The following ATP11C variants were observed in gnomAD, a reference collection of about 807,000 sequenced individuals.
ATP11C encodes ATPase phospholipid transporting 11C (ATP11C blood group), also known as phospholipid-transporting ATPase IG.
In ATP11C, 36 loss-of-function variants were observed where a neutral mutation model predicts 97.4. The observed-to-expected ratio is 0.37, with a 90% CI of 0.28 to 0.49. ATP11C has a LOEUF of 0.49. ATP11C is among the 20% of genes least tolerant of loss of function. ATP11C has a pLI of 0.98. For synonymous variants in ATP11C, 275 were observed against 290.9 expected (o/e 0.95, Z 0.56); for missense variants, 730 against 824.6 (o/e 0.89, Z 1.40).
intron 1 of ATP11C, among the ~76,000 whole-genome samples, chrX:139,902,434 G>A (rs963728400): frequency 1.7e-4 from 19 of 111,128 alleles, no homozygotes; most frequent in African/African-American, 5.6e-4. Context: ...CCTGCCAAGG[G>A]AGGACTACAC....
chrX:139,861,796 A>ACC (rs911916185), intron 1 of ATP11C, among the ~76,000 whole-genome samples: 4 of 110,239 alleles, frequency 3.6e-5, no homozygotes, highest in African/African-American at 1.3e-4. Flanking sequence ...ACACACACAC[A>ACC]CACACCCTCT....
intron 1 of ATP11C, among the ~76,000 whole-genome samples, chrX:139,873,482 C>T (rs936746148): frequency 2.7e-5 from 3 of 109,838 alleles, no homozygotes; most frequent in South Asian, 3.9e-4. Flanking sequence ...CTGAGGCAGG[C>T]GGATCATTTG....
intron 5 of ATP11C, among the ~76,000 whole-genome samples, chrX:139,807,361 C>T (rs933726872): frequency 9.0e-6 from 1 of 111,234 alleles, no homozygotes; most frequent in Non-Finnish European, 1.9e-5. Context: ...AGTTAAGTGA[C>T]ACATTAAAAA....
intron 1 of ATP11C, among the ~76,000 whole-genome samples, chrX:139,844,188 A>ATAG (rs1447543659): frequency 8.9e-6 from 1 of 112,338 alleles, no homozygotes; most frequent in Non-Finnish European, 1.9e-5. Context: ...AAAAGACAGA[A>ATAG]TAGTACATTG....
chrX:139,860,269 C>A (rs2084165662), intron 1 of ATP11C, among the ~76,000 whole-genome samples: 1 of 110,921 alleles, frequency 9.0e-6, no homozygotes. Flanking sequence ...AAAACTGCAC[C>A]ATTTATGCCA....
intron 27 of ATP11C, 52 bp downstream of exon 27, chrX:139,740,939 C>T: frequency 1.3e-6 from 1 of 743,570 alleles, no homozygotes; most frequent in Admixed American, 2.3e-5. Flanking sequence ...TGTACATACA[C>T]ATGTATCTAC....
chrX:139,800,716 A>G (rs1425885727), intron 7 of ATP11C, among the ~76,000 whole-genome samples: 1 of 111,917 alleles, frequency 8.9e-6, no homozygotes, highest in Non-Finnish European at 1.9e-5. Flanking sequence ...GTTGATCTCA[A>G]TACTGAGCTT....
intron 19 of ATP11C, among the ~76,000 whole-genome samples, chrX:139,770,411 G>A (rs1416794743): frequency 3.6e-5 from 4 of 112,219 alleles, no homozygotes; most frequent in Admixed American, 1.9e-4. Context: ...ATGTTGGGGT[G>A]CACTGCAAAA....
intron 1 of ATP11C, among the ~76,000 whole-genome samples, chrX:139,926,876 A>G (rs1031463442): frequency 7.1e-5 from 8 of 112,382 alleles, no homozygotes; most frequent in African/African-American, 1.6e-4. Flanking sequence ...TCATTTCTAA[A>G]TAAGTTTCCC....
chrX:139,868,561 CAA>C (rs370631053), intron 1 of ATP11C, among the ~76,000 whole-genome samples: 7 of 78,666 alleles, frequency 8.9e-5, no homozygotes, highest in Non-Finnish European at 5.1e-5. Flanking sequence ...ACTAAAAGTA[CAA>C]AAAAAAAAAA....
intron 1 of ATP11C, among the ~76,000 whole-genome samples, chrX:139,852,036 G>C (rs1223683884): frequency 9.1e-6 from 1 of 109,975 alleles, no homozygotes; most frequent in East Asian, 2.9e-4. Context: ...AGACTTCTGC[G>C]GTGTCATGTG....
intron 1 of ATP11C, among the ~76,000 whole-genome samples, chrX:139,886,442 C>T (rs975680208): frequency 4.6e-5 from 5 of 109,699 alleles, no homozygotes; most frequent in African/African-American, 1.3e-4. Flanking sequence ...TACAAAAATT[C>T]GCTGGGCGTG....
intron 1 of ATP11C, among the ~76,000 whole-genome samples, chrX:139,930,524 C>T (rs1261288793): frequency 2.7e-5 from 3 of 111,444 alleles, no homozygotes; most frequent in Non-Finnish European, 5.6e-5. Flanking sequence ...CACCCCCACG[C>T]AACACTCCAA....
At chrX:139,760,239 G>A (rs992206682) in intron 22 of ATP11C, among the ~76,000 whole-genome samples, 4 of 111,436 alleles carry the variant, frequency 3.6e-5, no homozygotes, top group African/African-American at 1.3e-4. Context: ...TGTTTGTGAG[G>A]ATTACATTTT....
At chrX:139,814,014 G>A (rs1050293820) in intron 5 of ATP11C, among the ~76,000 whole-genome samples, 6 of 111,084 alleles carry the variant, frequency 5.4e-5, no homozygotes, top group Admixed American at 9.6e-5. Flanking sequence ...TTGACAGCCA[G>A]AGAAAATGTG....
At chrX:139,733,477 A>C (rs2081386555) in intron 28 of ATP11C, among the ~76,000 whole-genome samples, 1 of 112,295 alleles carries the variant, frequency 8.9e-6, no homozygotes, top group South Asian at 3.6e-4. Context: ...ATTCTAATAA[A>C]CAATTAAACT....
chrX:139,881,379 G>A (rs1038895828), intron 1 of ATP11C, among the ~76,000 whole-genome samples: 4 of 111,116 alleles, frequency 3.6e-5, no homozygotes, highest in Non-Finnish European at 7.5e-5. Flanking sequence ...AGTATGGGCT[G>A]TATCTCCAGT....
rs780769849 is a variant in ATP11C, at chrX:139,782,529, G to GT, written c.1952+17dup. 1.9e-5 allele frequency: 21 copies of GT among 1,123,360 alleles called. No individual in the cohort carries two copies. The highest frequency in any genetic ancestry group is 2.4e-5 in the Non-Finnish European group (20 of 826,042). The allele number at this position is 1,123,360 out of a possible 1,213,427, so 92.6% of individuals were successfully genotyped here. Reference sequence around the variant, plus strand: ...AACACTGGTCATTAAAATAATAAGAGTATCATTTTCTAGTTACTTGTCTTC... The same window carrying GT: ...AACACTGGTCATTAAAATAATAAGAGTTATCATTTTCTAGTTACTTGTCTTC... On this transcript the variant is annotated intron_variant, in intron 18 of 29. Transcript: ENST00000682941.
At chrX:139,841,961 T>C (rs2083839435) in intron 1 of ATP11C, among the ~76,000 whole-genome samples, 1 of 112,298 alleles carries the variant, frequency 8.9e-6, no homozygotes, top group African/African-American at 3.2e-5. Context: ...GACAGGCCCA[T>C]TGCTATCCAA....
Sources: gnomAD v4.1 joint callset for allele counts (sites outside exome capture counted in the v4.1 genomes callset) on GRCh38, gnomAD v4.1.1 for gene constraint, MANE v1.5 for transcripts, NCBI Gene and HGNC (gene_info 2026-07-23, HGNC 2026-07-21) for gene names.